The following PRDM10 variants were observed in gnomAD, a reference collection of about 807,000 sequenced individuals.
PRDM10 encodes PR/SET domain 10, also known as PR domain zinc finger protein 10.
PRDM10 carries 65 observed loss-of-function variants against 133.1 expected under a neutral mutation model. The observed-to-expected ratio is 0.49, with a 90% CI of 0.40 to 0.60. The LOEUF is 0.60. PRDM10 is among the 20% of genes least tolerant of loss of function. PRDM10 has a pLI of 0.00. For synonymous variants in PRDM10, 582 were observed against 580.4 expected (o/e 1.00, Z -0.04); for missense variants, 1,137 against 1,507.1 (o/e 0.75, Z 4.07).
At chr11:129,943,479 A>G (rs185591353) in intron 6 of PRDM10, among the ~76,000 whole-genome samples, 27 of 152,342 alleles carry the variant, frequency 1.8e-4, no homozygotes, top group Admixed American at 3.3e-4. Context: ...CTGTGACTGC[A>G]TTTGGAGACA....
intron 1 of PRDM10, among the ~76,000 whole-genome samples, chr11:129,977,255 T>TACACACACACACAC (rs71057991): frequency 5.1e-4 from 67 of 132,488 alleles, no homozygotes; most frequent in East Asian, 1.1e-3. Flanking sequence ...ATGACTAAAA[T>TACACACACACACAC]ACACACACAC....
chr11:129,990,300 C>T (rs1565515028), intron 1 of PRDM10, among the ~76,000 whole-genome samples: 2 of 151,354 alleles, frequency 1.3e-5, no homozygotes, highest in African/African-American at 2.4e-5. Context: ...GAGCTGAGAT[C>T]GAGCCACTGC....
At chr11:129,929,460 T>G (rs1173931267) in intron 11 of PRDM10, 1 of 1,542,898 alleles carries the variant, frequency 6.5e-7, no homozygotes, top group South Asian at 1.2e-5. Context: ...AATAGTTACA[T>G]TACCAATTGG....
intron 1 of PRDM10, among the ~76,000 whole-genome samples, chr11:129,975,622 C>A (rs1937714759): frequency 6.6e-6 from 1 of 152,130 alleles, no homozygotes; most frequent in African/African-American, 2.4e-5. Context: ...CCTTGCCACC[C>A]CAGGGCCACT....
intron 1 of PRDM10, among the ~76,000 whole-genome samples, chr11:129,986,729 T>C (rs1290527174): frequency 2.0e-5 from 3 of 152,132 alleles, no homozygotes; most frequent in Admixed American, 6.6e-5. Flanking sequence ...GGGGCCTGGA[T>C]TGAGACTCCT....
At chr11:129,952,116 T>C (rs1030564759) in intron 4 of PRDM10, among the ~76,000 whole-genome samples, 4 of 152,188 alleles carry the variant, frequency 2.6e-5, no homozygotes, top group African/African-American at 9.6e-5. Flanking sequence ...TGTCTTGTAA[T>C]GTCAGGGTTT....
chr11:129,906,707 T>C (rs1950026327), intron 19 of PRDM10, among the ~76,000 whole-genome samples: 1 of 152,194 alleles, frequency 6.6e-6, no homozygotes. Context: ...GCCAGGCACA[T>C]GGACTCATTC....
At chr11:129,905,363 GA>G (rs57268294) in intron 20 of PRDM10, among the ~76,000 whole-genome samples, 969 of 69,414 alleles carry the variant, frequency 0.014, 5 homozygotes, top group Middle Eastern at 0.024. Context: ...CTCTGTCTCA[GA>G]AAAAAAAAAA....
intron 1 of PRDM10, among the ~76,000 whole-genome samples, chr11:129,974,544 A>G (rs961818171): frequency 2.0e-5 from 3 of 152,210 alleles, no homozygotes; most frequent in African/African-American, 7.2e-5. Flanking sequence ...AAAGAGAAAC[A>G]TGAATCAGAT....
At chr11:129,912,041 T>A (rs1950199411) in intron 18 of PRDM10, 44 bp downstream of exon 18, 1 of 1,520,888 alleles carries the variant, frequency 6.6e-7, no homozygotes, top group South Asian at 1.3e-5. Flanking sequence ...TGATAATCCC[T>A]GAAGCCATGA....
At chr11:129,935,749 T>C (rs1358079373) in intron 8 of PRDM10, among the ~76,000 whole-genome samples, 1 of 152,198 alleles carries the variant, frequency 6.6e-6, no homozygotes, top group Non-Finnish European at 1.5e-5. Context: ...AAAAGACATA[T>C]AAGAATGCTC....
chr11:129,957,876 T>C lies in PRDM10; in HGVS notation c.104A>G (p.Gln35Arg), dbSNP rs1951726504. The change falls in exon 3 of 21, where the codon CAG becomes CGG. Residue 35 changes from glutamine (Q) to arginine (R), a missense_variant. By Grantham distance (43) the Gln-to-Arg change is conservative. Transcript: ENST00000360871. ...AACCTGGTCATCGGTATAGACAATC[T>C]GAGCCACTGTTCCTGTGTCCGGAAC... ...HFVPDTGTVA[Q>R]IVYTDDQVRP... The C allele has an allele frequency of 1.9e-6, 3 of 1,613,642 alleles. No homozygotes were observed. The highest frequency in any genetic ancestry group is 1.3e-5 in the African/African-American group (1 of 74,916).
intron 4 of PRDM10, among the ~76,000 whole-genome samples, chr11:129,950,296 G>C (rs1591652744): frequency 6.6e-6 from 1 of 152,162 alleles, no homozygotes; most frequent in Non-Finnish European, 1.5e-5. Flanking sequence ...GGCCTGACCT[G>C]CAACGGCTGT....
rs1402763567 is a variant in PRDM10 at position 129,945,475 on chromosome 11, A to C, written c.521-463T>G. Among the ~76,000 whole-genome samples, 1 of 152,190 alleles carries C rather than the reference A, an allele frequency of 6.6e-6. No individual in the cohort carries two copies. The highest frequency in any genetic ancestry group is 1.5e-5 in the Non-Finnish European group (1 of 68,036). On this transcript the variant is annotated intron_variant, in intron 5 of 20. Coordinates refer to ENST00000360871, the MANE Select transcript of PRDM10 (RefSeq NM_199437.2). The surrounding 1 kb of genome is among the most constrained non-coding windows in gnomAD (Gnocchi z 4.2). ...CTATTGAATCAATTTTCTCAAAGGG[A>C]GTTACAGAAGTCTTATATCTCAGCC...
intron 7 of PRDM10, among the ~76,000 whole-genome samples, chr11:129,937,935 T>C (rs906342255): frequency 1.3e-5 from 2 of 152,224 alleles, no homozygotes; most frequent in Non-Finnish European, 2.9e-5. Flanking sequence ...ATTATAATCA[T>C]AGTCTCTTCA....
chr11:130,001,732 G>A (rs1050145822), intron 1 of PRDM10, among the ~76,000 whole-genome samples: 26 of 152,212 alleles, frequency 1.7e-4, no homozygotes, highest in African/African-American at 6.3e-4. Context: ...CCTAGCTGCA[G>A]GGTTAAACCT....
chr11:129,991,765 T>C (rs1938764511), intron 1 of PRDM10, among the ~76,000 whole-genome samples: 1 of 147,482 alleles, frequency 6.8e-6, no homozygotes, highest in Admixed American at 6.9e-5. Flanking sequence ...GTTGCAGTGA[T>C]CCGATATCGC....
chr11:129,996,412 A>G (rs1486323615), intron 1 of PRDM10, among the ~76,000 whole-genome samples: 2 of 152,186 alleles, frequency 1.3e-5, no homozygotes, highest in African/African-American at 4.8e-5. Flanking sequence ...ATTTGAAAAG[A>G]CTCAAAAGAA....
Position 129,905,622 on chromosome 11 carries a change from G to A in PRDM10, c.3267+16C>T, listed in dbSNP as rs370951523. The A allele has an allele frequency of 1.6e-4, 259 of 1,603,200 alleles. 3 individuals carry two copies. In the South Asian group the frequency reaches 1.8e-3, roughly 11 times the overall value. ...CAGGTTGGACAGGAAAAACCCGACC[G>A]AGTAGCGTAGCTTACCGAAGTAACC... On this transcript the variant is annotated intron_variant, in intron 20 of 20. Coordinates refer to ENST00000360871, the MANE Select transcript of PRDM10 (RefSeq NM_199437.2).
Sources: allele counts gnomAD v4.1 joint callset (sites outside exome capture counted in the v4.1 genomes callset), GRCh38; gene constraint gnomAD v4.1.1; non-coding constraint Gnocchi (gnomAD v3.1); transcripts MANE v1.5; gene names NCBI Gene and HGNC (gene_info 2026-07-23, HGNC 2026-07-21).